The following BIRC6 variants were observed in gnomAD, a reference collection of about 807,000 sequenced individuals.
BIRC6 encodes baculoviral IAP repeat containing 6.
In BIRC6, 98 loss-of-function variants were observed where a neutral mutation model predicts 503.3. The ratio of observed to expected loss-of-function variants is 0.19; its 90% CI spans 0.17 to 0.23. The LOEUF (loss-of-function observed/expected upper bound fraction) is 0.23, where lower values mean the gene tolerates loss of function less well. BIRC6 is among the 10% of genes least tolerant of loss of function. BIRC6 has a pLI of 1.00. For missense variants in BIRC6, 5,360 were observed against 5,806.0 expected (o/e 0.92, Z 2.50); for synonymous variants, 2,240 against 2,078.7 (o/e 1.08, Z -2.11).
intron 66 of BIRC6, 81 bp from the exon 67 acceptor site, chr2:32,593,834 T>C (rs2061524740): frequency 8.1e-7 from 1 of 1,229,836 alleles, no homozygotes; most frequent in East Asian, 2.4e-5. Context: ...CACACACTCA[T>C]TTGTATATTG....
At chr2:32,534,457 G>A (rs958990228) in intron 61 of BIRC6, among the ~76,000 whole-genome samples, 3 of 149,146 alleles carry the variant, frequency 2.0e-5, no homozygotes, top group Non-Finnish European at 4.5e-5. Flanking sequence ...TCGGCTTGGC[G>A]CGGCAGCTAA....
At chr2:32,431,873 AT>A (rs904826088) in intron 12 of BIRC6, among the ~76,000 whole-genome samples, 10 of 152,252 alleles carry the variant, frequency 6.6e-5, no homozygotes, top group African/African-American at 2.4e-4. Flanking sequence ...GCTATGAAGA[AT>A]GTTAAAACAG....
chr2:32,533,094 TGTCTTAGA>T (rs1376181247), intron 61 of BIRC6, among the ~76,000 whole-genome samples: 1 of 152,152 alleles, frequency 6.6e-6, no homozygotes. Context: ...AAACCTACAG[TGTCTTAGA>T]GAATATCTGA....
At chr2:32,410,235 A>G (rs1192568639) in intron 9 of BIRC6, among the ~76,000 whole-genome samples, 1 of 152,192 alleles carries the variant, frequency 6.6e-6, no homozygotes, top group Non-Finnish European at 1.5e-5. Flanking sequence ...AGTACATGTT[A>G]TAAAAATATC....
intron 32 of BIRC6, 51 bp downstream of exon 32, chr2:32,471,175 G>A: frequency 6.5e-7 from 1 of 1,541,824 alleles, no homozygotes; most frequent in South Asian, 1.2e-5. Context: ...ATAATAATAT[G>A]TTGGTGGGGA....
chr2:32,395,289 C>T (rs976061687), intron 5 of BIRC6, among the ~76,000 whole-genome samples: 2 of 152,138 alleles, frequency 1.3e-5, no homozygotes, highest in African/African-American at 2.4e-5. Flanking sequence ...ATGTGTACCT[C>T]TCTTTGATTT....
At chr2:32,519,086 G>A in intron 57 of BIRC6, 140 bp downstream of exon 57, 1 of 817,506 alleles carries the variant, frequency 1.2e-6, no homozygotes, top group South Asian at 2.2e-5. Flanking sequence ...TTTATAGTTT[G>A]AAGCATAAGA....
intron 42 of BIRC6, among the ~76,000 whole-genome samples, chr2:32,489,789 C>G (rs899576566): frequency 3.9e-5 from 6 of 152,158 alleles, no homozygotes; most frequent in African/African-American, 1.4e-4. Flanking sequence ...GAAAGTACAA[C>G]ATACTGAGAG....
Position 32,357,112 on chromosome 2 carries a change from C to T in BIRC6, c.-50C>T. 2 of 1,402,436 alleles carry T rather than the reference C, an allele frequency of 1.4e-6. No homozygotes were observed. The highest frequency in any genetic ancestry group is 9.3e-7 in the Non-Finnish European group (1 of 1,079,028). The allele number at this position is 1,402,436 out of a possible 1,614,324, so 86.9% of individuals were successfully genotyped here. A position where few individuals can be genotyped will look rare whatever the true frequency, so the allele number is the denominator to read the frequency against. On this transcript the variant is annotated 5_prime_UTR_variant, in exon 1 of 74. Transcript: ENST00000421745. This position sits in a 1 kb window ranked among gnomAD's most constrained non-coding sequence, Gnocchi z 4.9. ...GATCGACGTTCCGCGTGCGTGCGGG[C>T]GCCTGACTTCACTTCCGGCTAACGC... is the stretch of plus-strand genomic sequence containing the variant.
chr2:32,449,000 G>A, intron 22 of BIRC6, 72 bp downstream of exon 22: 3 of 1,404,594 alleles, frequency 2.1e-6, no homozygotes, highest in Admixed American at 2.1e-5. Context: ...TGACTTAATA[G>A]ATTATAGTCA....
intron 65 of BIRC6, chr2:32,574,661 A>G (rs779927923): frequency 3.0e-5 from 5 of 167,556 alleles, no homozygotes; most frequent in Non-Finnish European, 6.5e-5. Context: ...ATGAGGAAGA[A>G]GTGATGAGGT....
chr2:32,454,054 G>A, intron 23 of BIRC6, 112 bp downstream of exon 23: 1 of 953,366 alleles, frequency 1.0e-6, no homozygotes, highest in Non-Finnish European at 1.5e-6. Flanking sequence ...GCTGTTAAGT[G>A]GAAATTTATT....
chr2:32,568,994 T>TC (rs1428324659), intron 65 of BIRC6, among the ~76,000 whole-genome samples: 2 of 150,416 alleles, frequency 1.3e-5, no homozygotes, highest in Non-Finnish European at 3.0e-5. Flanking sequence ...CTTTTTTTTT[T>TC]TTTTTTTGAG....
Position 32,467,541 on chromosome 2 carries a change from G to T in BIRC6, c.5373G>T (p.Val1791=), listed in dbSNP as rs2148940355. The T allele has an allele frequency of 6.2e-7, 1 of 1,613,828 alleles. No homozygotes were observed. Among genetic ancestry groups the T allele is most frequent in the South Asian group, 1.1e-5 (1 of 91,050 alleles). Residue 1791 remains valine, a synonymous_variant, in exon 27 of 74, where the codon GTG becomes GTT. Transcript: ENST00000421745. ...ERMHSGARRF[V]TLDFGRPILL... The stretch of plus-strand genomic sequence containing the variant: ...CTCTCATAGGAGCAAGAAGATTTGT[G>T]ACCTTGGATTTTGGGAGGCCTATAT...
chr2:32,607,741 G>A, intron 72 of BIRC6, 98 bp downstream of exon 72: 1 of 1,001,702 alleles, frequency 1.0e-6, no homozygotes, highest in Non-Finnish European at 1.4e-6. Context: ...ACTTTGGGAG[G>A]TCAAGGCAGG....
intron 62 of BIRC6, among the ~76,000 whole-genome samples, chr2:32,543,856 G>A (rs1316617449): frequency 6.6e-6 from 1 of 152,184 alleles, no homozygotes; most frequent in Non-Finnish European, 1.5e-5. Flanking sequence ...AGAAACAAGG[G>A]ATGTACATAA....
intron 65 of BIRC6, chr2:32,558,853 A>G (rs1324656912): frequency 6.6e-6 from 1 of 152,210 alleles, no homozygotes; most frequent in Non-Finnish European, 1.5e-5. Flanking sequence ...CACTGTAACT[A>G]TTTGATGTAA....
chr2:32,508,509 G>C (rs1349505450), intron 51 of BIRC6, among the ~76,000 whole-genome samples: 1 of 151,650 alleles, frequency 6.6e-6, no homozygotes, highest in East Asian at 1.9e-4. Context: ...GCTACATGTA[G>C]GTGTACATTG....
At chr2:32,446,584 G>A (rs1387761183) in intron 21 of BIRC6, among the ~76,000 whole-genome samples, 1 of 152,000 alleles carries the variant, frequency 6.6e-6, no homozygotes, top group Non-Finnish European at 1.5e-5. Flanking sequence ...GCTTCAATCT[G>A]CAGGTGGCAG....
Sources: allele counts gnomAD v4.1 joint callset (sites outside exome capture counted in the v4.1 genomes callset), GRCh38; gene constraint gnomAD v4.1.1; non-coding constraint Gnocchi (gnomAD v3.1); transcripts MANE v1.5; gene names NCBI Gene and HGNC (gene_info 2026-07-23, HGNC 2026-07-21).